Variants in RFX3 observed in about 807,000 individuals in gnomAD.
RFX3 encodes the protein regulatory factor X3, also known as transcription factor RFX3.
A neutral mutation model predicts 98.6 loss-of-function variants in RFX3; 14 were observed. That is an observed-to-expected ratio of 0.14 (90% CI 0.09 to 0.22). RFX3 has a LOEUF of 0.22. RFX3 is among the 10% of genes least tolerant of loss of function. RFX3 has a pLI of 1.00. For missense variants in RFX3, 639 were observed against 926.9 expected, an observed-to-expected ratio of 0.69 and a Z score of 4.03; for synonymous variants, 383 against 328.4, an observed-to-expected ratio of 1.17 and a Z score of -1.80.
chr9:3,339,283 C>T (rs930252982), intron 3 of RFX3, among the ~76,000 whole-genome samples: 1 of 152,078 alleles, frequency 6.6e-6, no homozygotes, highest in Non-Finnish European at 1.5e-5. Context: ...GTCACTTGCC[C>T]TGACAACAGA....
At chr9:3,436,038 T>C (rs1845092339) in intron 1 of RFX3, among the ~76,000 whole-genome samples, 1 of 151,982 alleles carries the variant, frequency 6.6e-6, no homozygotes, top group African/African-American at 2.4e-5. Flanking sequence ...GATAGGTAAC[T>C]ATATTTGGTC....
chr9:3,463,199 T>C (rs2133086573), intron 1 of RFX3, among the ~76,000 whole-genome samples: 1 of 152,210 alleles, frequency 6.6e-6, no homozygotes, highest in Non-Finnish European at 1.5e-5. Flanking sequence ...AATTAAAAAA[T>C]GGAATGGGAA....
chr9:3,240,386 T>C (rs1447804477), intron 15 of RFX3, among the ~76,000 whole-genome samples: 1 of 152,218 alleles, frequency 6.6e-6, no homozygotes. Context: ...CTGGCTCCCC[T>C]TGAAAACACC....
Position 3,291,900 on chromosome 9 carries a change from T to C in RFX3, c.731+1177A>G, listed in dbSNP as rs893584221. 2.0e-5 allele frequency among the ~76,000 whole-genome samples: 3 copies of C among 151,336 alleles called. No individual in the cohort carries two copies. The East Asian group carries it at 5.8e-4, about 29-fold the overall frequency. On this transcript the variant is annotated intron_variant, in intron 6 of 16. Coordinates refer to ENST00000617270, the MANE Select transcript of RFX3 (RefSeq NM_001282116.2). ...GGTGAAACCCCATCTCTACTAAAAA[T>C]ACAATAATTAGCTGGACGTGGTGGC...
chr9:3,304,223 T>G (rs551906033), intron 4 of RFX3, among the ~76,000 whole-genome samples: 1 of 152,118 alleles, frequency 6.6e-6, no homozygotes, highest in South Asian at 2.1e-4. Context: ...TACAAAAAAT[T>G]AACATGTATT....
chr9:3,442,005 G>T (rs528200806), intron 1 of RFX3, among the ~76,000 whole-genome samples: 1 of 152,218 alleles, frequency 6.6e-6, no homozygotes, highest in African/African-American at 2.4e-5. Context: ...TTCGAGACCA[G>T]CCTGGTCAAC....
At chr9:3,415,731 A>G (rs1842927182) in intron 1 of RFX3, among the ~76,000 whole-genome samples, 1 of 152,172 alleles carries the variant, frequency 6.6e-6, no homozygotes, top group South Asian at 2.1e-4. Context: ...CTCTTGCTCC[A>G]AATCCTTCTC....
At chr9:3,394,246 G>A (rs372709771) in intron 2 of RFX3, among the ~76,000 whole-genome samples, 17 of 152,202 alleles carry the variant, frequency 1.1e-4, no homozygotes, top group East Asian at 3.9e-4. Flanking sequence ...GGCGGATCAC[G>A]AGGTCAGGAG....
chr9:3,244,185 T>C (rs1820332720), intron 15 of RFX3, among the ~76,000 whole-genome samples: 1 of 151,922 alleles, frequency 6.6e-6, no homozygotes, highest in African/African-American at 2.4e-5. Context: ...TTTGTATTTT[T>C]AGTAGAGACA....
At chr9:3,407,415 TTAAA>T (rs1419207299) in intron 1 of RFX3, among the ~76,000 whole-genome samples, 1 of 152,080 alleles carries the variant, frequency 6.6e-6, no homozygotes, top group Admixed American at 6.6e-5. Context: ...ACTTAAATAA[TTAAA>T]TATTTAATTA....
chr9:3,491,036 A>T (rs113575586), intron 1 of RFX3, among the ~76,000 whole-genome samples: 165 of 152,292 alleles, frequency 1.1e-3, no homozygotes, highest in African/African-American at 3.9e-3. Context: ...TATAAAGAGC[A>T]TCGTAGTTAC....
intron 1 of RFX3, among the ~76,000 whole-genome samples, chr9:3,444,737 G>C (rs1845890467): frequency 6.6e-6 from 1 of 152,224 alleles, no homozygotes; most frequent in Non-Finnish European, 1.5e-5. Context: ...GATTTGGTCT[G>C]TGTGGCTTCA....
At chr9:3,321,233 C>T (rs528228573) in intron 4 of RFX3, among the ~76,000 whole-genome samples, 16 of 152,056 alleles carry the variant, frequency 1.1e-4, no homozygotes, top group Admixed American at 6.6e-5. Flanking sequence ...AATAAGTCTA[C>T]AACAAATATA....
intron 7 of RFX3, among the ~76,000 whole-genome samples, chr9:3,283,161 C>G (rs965371551): frequency 1.3e-5 from 2 of 151,610 alleles, no homozygotes; most frequent in African/African-American, 4.8e-5. Flanking sequence ...AAGTTAGAAA[C>G]CACTAGCCTA....
At chr9:3,457,229 T>TACCTTTTCC (rs2132984314) in intron 1 of RFX3, among the ~76,000 whole-genome samples, 1 of 150,790 alleles carries the variant, frequency 6.6e-6, no homozygotes, top group South Asian at 2.1e-4. Context: ...AGGAGAATTC[T>TACCTTTTCC]ACCTTTTCCT....
rs1305741821 is a variant in RFX3 at position 3,435,403 on chromosome 9, C to CT, written c.-8-39808dup. On this transcript the variant is annotated intron_variant, in intron 1 of 16. Coordinates refer to ENST00000617270, the MANE Select transcript of RFX3 (RefSeq NM_001282116.2). ...TATATTTAGTTTTTTCCTTTTAAAA[C>CT]TTTTTTTTGTTAAAAATTAAGACAC... Among the ~76,000 whole-genome samples, 10 of 151,724 alleles carry CT rather than the reference C, an allele frequency of 6.6e-5. No homozygotes were observed. The East Asian group carries it at 1.4e-3, about 20-fold the overall frequency.
intron 15 of RFX3, among the ~76,000 whole-genome samples, chr9:3,233,949 T>C (rs1415689656): frequency 6.6e-6 from 1 of 152,194 alleles, no homozygotes; most frequent in Non-Finnish European, 1.5e-5. Flanking sequence ...GACTCTACTA[T>C]CCCAGTACTC....
At chr9:3,321,169 G>A (rs1831264524) in intron 4 of RFX3, among the ~76,000 whole-genome samples, 1 of 152,020 alleles carries the variant, frequency 6.6e-6, no homozygotes, top group East Asian at 1.9e-4. Flanking sequence ...CTCCCAAACT[G>A]CTGGGATTAC....
At chr9:3,502,570 C>T (rs1010166979) in intron 1 of RFX3, among the ~76,000 whole-genome samples, 21 of 152,160 alleles carry the variant, frequency 1.4e-4, no homozygotes, top group Admixed American at 2.0e-4. Context: ...AGTCTTTGTG[C>T]AGTCAACACT....
Sources: allele counts gnomAD v4.1 joint callset (sites outside exome capture counted in the v4.1 genomes callset), GRCh38; gene constraint gnomAD v4.1.1; transcripts MANE v1.5; gene names NCBI Gene and HGNC (gene_info 2026-07-23, HGNC 2026-07-21).